SLC25A53: variants seen among roughly 807,000 people sequenced by gnomAD.
The protein encoded by SLC25A53 is mitochondrial carrier triple repeat protein 6.
A neutral mutation model predicts 15.0 loss-of-function variants in SLC25A53; 5 were observed. The ratio of observed to expected loss-of-function variants is 0.33; its 90% CI spans 0.17 to 0.70. The LOEUF (loss-of-function observed/expected upper bound fraction) is 0.70. Ranked by LOEUF, SLC25A53 falls within the 30% of genes least tolerant of loss-of-function variation. The probability of loss-of-function intolerance (pLI) is 0.67; values close to 1 mark genes in which losing one functional copy is unlikely to be tolerated. For missense variants in SLC25A53, 216 were observed against 241.6 expected (o/e 0.89, Z 0.70); for synonymous variants, 95 against 100.0 (o/e 0.95, Z 0.30).
At chrX:104,105,616 C>T (rs1171475723) in intron 1 of SLC25A53, among the ~76,000 whole-genome samples, 1 of 112,268 alleles carries the variant, frequency 8.9e-6, no homozygotes, top group Non-Finnish European at 1.9e-5. Flanking sequence ...TCAACTTTCA[C>T]GACATGAAAC....
intron 1 of SLC25A53, among the ~76,000 whole-genome samples, chrX:104,140,322 C>CGTGTGTGTGTGTGT (rs55930796): frequency 1.8e-4 from 18 of 100,924 alleles, no homozygotes; most frequent in South Asian, 4.8e-4. Context: ...GACAGGATTC[C>CGTGTGTGTGTGTGT]GTGTGTGTGT....
At chrX:104,142,622 C>A (rs373863082) in intron 1 of SLC25A53, among the ~76,000 whole-genome samples, 2 of 111,080 alleles carry the variant, frequency 1.8e-5, no homozygotes, top group African/African-American at 6.6e-5. Flanking sequence ...CTCTGATTTC[C>A]GGCAAGATAG....
At chrX:104,125,306 T>C (rs954267393) in intron 1 of SLC25A53, among the ~76,000 whole-genome samples, 2 of 111,689 alleles carry the variant, frequency 1.8e-5, no homozygotes, top group African/African-American at 6.5e-5. Flanking sequence ...GGTACGTGGT[T>C]CTGATACTCT....
At chrX:104,107,607 T>C (rs1231959651) in intron 1 of SLC25A53, among the ~76,000 whole-genome samples, 1 of 105,643 alleles carries the variant, frequency 9.5e-6, no homozygotes, top group Non-Finnish European at 2.1e-5. Flanking sequence ...GGACAGGTGG[T>C]GAAGTAAATA....
At chrX:104,148,100 A>C (rs1264982115) in intron 1 of SLC25A53, among the ~76,000 whole-genome samples, 1 of 110,017 alleles carries the variant, frequency 9.1e-6, no homozygotes, top group Non-Finnish European at 1.9e-5. Context: ...GCACATATAC[A>C]CCATGGAATA....
chrX:104,123,732 G>A (rs1424380478), intron 1 of SLC25A53, among the ~76,000 whole-genome samples: 4 of 109,550 alleles, frequency 3.7e-5, no homozygotes, highest in East Asian at 2.9e-4. Flanking sequence ...CCCTCAACAG[G>A]CCCCGTTGTG....
chrX:104,146,596 G>T (rs1442526904), intron 1 of SLC25A53, among the ~76,000 whole-genome samples: 1 of 111,873 alleles, frequency 8.9e-6, no homozygotes, highest in African/African-American at 3.3e-5. Flanking sequence ...CTGATAAGCA[G>T]CTTCAGCAAA....
chrX:104,142,532 G>C (rs999741158), intron 1 of SLC25A53, among the ~76,000 whole-genome samples: 3 of 111,324 alleles, frequency 2.7e-5, no homozygotes, highest in Non-Finnish European at 5.6e-5. Context: ...TAAACAACTC[G>C]AGATAATTGG....
At chrX:104,153,174 T>C (rs1399219151) in intron 1 of SLC25A53, among the ~76,000 whole-genome samples, 1 of 111,261 alleles carries the variant, frequency 9.0e-6, no homozygotes. Flanking sequence ...GAATATATTC[T>C]GAGAAATCCA....
intron 1 of SLC25A53, among the ~76,000 whole-genome samples, chrX:104,111,678 T>C (rs1208278667): frequency 9.0e-6 from 1 of 110,854 alleles, no homozygotes; most frequent in African/African-American, 3.3e-5. Context: ...GTTGAGATGG[T>C]TTGAGACTAC....
intron 1 of SLC25A53, among the ~76,000 whole-genome samples, chrX:104,154,519 G>A (rs186494092): frequency 3.6e-4 from 41 of 112,617 alleles, no homozygotes; most frequent in Non-Finnish European, 5.8e-4. Flanking sequence ...ATGTCGAAGA[G>A]ATATCTGTAC....
chrX:104,129,860 ATGTGTGTGTG>A lies in SLC25A53; in HGVS notation c.-31-24582_-31-24573del, dbSNP rs60729916. Among the ~76,000 whole-genome samples, 68 of 89,973 alleles carry A rather than the reference ATGTGTGTGTG, an allele frequency of 7.6e-4. No homozygotes were observed. In the East Asian group the frequency reaches 0.014, roughly 18 times the overall value. The allele number at this position is 89,973 out of a possible 115,157, so 78.1% of individuals were successfully genotyped here. On this transcript the variant is annotated intron_variant, in intron 1 of 1. Coordinates refer to ENST00000594199, the MANE Select transcript of SLC25A53 (RefSeq NM_001012755.5). ...AACACATATATATCCACACAAATGTATGTGTGTGTGTGTGTGTGTGTGTGTGTGTGTGTGT... is the reference window on the plus strand; with the variant it reads ...AACACATATATATCCACACAAATGTATGTGTGTGTGTGTGTGTGTGTGTGT...
At chrX:104,114,507 T>A in intron 1 of SLC25A53, 1 of 1,211,663 alleles carries the variant, frequency 8.3e-7, no homozygotes, top group Non-Finnish European at 1.1e-6. Flanking sequence ...CTGCCCATGG[T>A]AAATTTTTTA....
At chrX:104,132,230 G>A (rs1412291424) in intron 1 of SLC25A53, among the ~76,000 whole-genome samples, 1 of 112,031 alleles carries the variant, frequency 8.9e-6, no homozygotes, top group Non-Finnish European at 1.9e-5. Flanking sequence ...CAGGATAGGA[G>A]ATATTTAATG....
At chrX:104,145,054 G>C (rs1556368366) in intron 1 of SLC25A53, among the ~76,000 whole-genome samples, 1 of 111,778 alleles carries the variant, frequency 8.9e-6, no homozygotes, top group Non-Finnish European at 1.9e-5. Context: ...TGACCACATA[G>C]TTGGAAGTAA....
In SLC25A53 at chrX:104,104,667, G is replaced by C; in HGVS notation, c.591C>G (p.Asp197Glu). The change falls in exon 2 of 2, where the codon GAC becomes GAG. Residue 197 changes from aspartate to glutamate, a missense_variant. Coordinates refer to ENST00000594199, the MANE Select transcript of SLC25A53 (RefSeq NM_001012755.5). ...LGSALYFSFK[D>E]PIQDGLAEQG... The stretch of plus-strand genomic sequence containing the variant: ...GCTCTGCCAGGCCATCCTGGATGGG[G>C]TCCTTGAAAGAAAAATATAGAGCAC... 3.3e-6 allele frequency: 4 copies of C among 1,211,471 alleles called. No individual in the cohort carries two copies. Among genetic ancestry groups the C allele is most frequent in the Non-Finnish European group, 4.5e-6 (4 of 895,371 alleles).
At chrX:104,135,494 G>A (rs1268479062) in intron 1 of SLC25A53, among the ~76,000 whole-genome samples, 2 of 110,548 alleles carry the variant, frequency 1.8e-5, no homozygotes, top group Admixed American at 9.7e-5. Flanking sequence ...GGAATTCTTC[G>A]ATCTCCACAT....
intron 1 of SLC25A53, among the ~76,000 whole-genome samples, chrX:104,133,638 A>C (rs782602656): frequency 8.9e-6 from 1 of 111,951 alleles, no homozygotes; most frequent in Non-Finnish European, 1.9e-5. Context: ...TTCCAGAATT[A>C]CCTATTTGAA....
chrX:104,156,606 C>T (rs948861150), intron 1 of SLC25A53, among the ~76,000 whole-genome samples: 12 of 110,736 alleles, frequency 1.1e-4, no homozygotes, highest in Non-Finnish European at 2.1e-4. Context: ...ATTCATCCGT[C>T]CGCCCCCTCC....
Sources: allele counts gnomAD v4.1 joint callset (sites outside exome capture counted in the v4.1 genomes callset), GRCh38; gene constraint gnomAD v4.1.1; transcripts MANE v1.5; gene names NCBI Gene and HGNC (gene_info 2026-07-23, HGNC 2026-07-21).